Variants in SPIB observed in about 807,000 individuals in gnomAD.
SPIB encodes Spi-B transcription factor, also known as transcription factor Spi-B.
A neutral mutation model predicts 31.9 loss-of-function variants in SPIB; 7 were observed. The ratio of observed to expected loss-of-function variants is 0.22; its 90% confidence interval spans 0.12 to 0.41. The LOEUF (loss-of-function observed/expected upper bound fraction) is 0.41. Among genes scored for constraint, SPIB ranks in the 10% least tolerant of loss-of-function variants. The probability of loss-of-function intolerance (pLI) is 1.00; values close to 1 mark genes in which losing one functional copy is unlikely to be tolerated. For synonymous variants in SPIB, 176 were observed against 158.9 expected (o/e 1.11, Z -0.81); for missense variants, 327 against 360.2 (o/e 0.91, Z 0.75).
chr19:50,428,374 A>G lies in SPIB; in HGVS notation c.*38A>G, dbSNP rs1601271784. The G allele has an allele frequency of 6.7e-7, 1 of 1,500,578 alleles. No homozygotes were observed. Among genetic ancestry groups the G allele is most frequent in the Non-Finnish European group, 8.9e-7 (1 of 1,122,300 alleles). The allele number at this position is 1,500,578 out of a possible 1,614,324, so 93.0% of individuals were successfully genotyped here. On this transcript the variant is annotated 3_prime_UTR_variant, in exon 6 of 6. Coordinates refer to ENST00000595883, the MANE Select transcript of SPIB (RefSeq NM_003121.5). The surrounding 1 kb of genome is among the most constrained non-coding windows in gnomAD (Gnocchi z 6.5). ...CTCCCACCTGCGGAGCCGCTGGGGG[A>G]CCTCACGTCCCAGCCAGGATCCCCC...
At position 50,429,523 on chromosome 19, in the gene SPIB, T is replaced by C. The variant is rs1568653040; in HGVS notation, c.*1187T>C. The C allele has an allele frequency of 1.3e-5, 2 of 151,762 alleles. No homozygotes were observed. The highest frequency in any genetic ancestry group is 2.9e-5 in the Non-Finnish European group (2 of 68,072). 9.4% of individuals were successfully genotyped at this position (151,762 alleles called of 1,614,324 possible). ...TTCAAGACCAGCCTGGGCAACATAATGAGACCTCGTCTCTACAAAACATAA... is the reference window on the plus strand; with the variant it reads ...TTCAAGACCAGCCTGGGCAACATAACGAGACCTCGTCTCTACAAAACATAA... On this transcript the variant is annotated 3_prime_UTR_variant, in exon 6 of 6. Coordinates refer to ENST00000595883, the MANE Select transcript of SPIB (RefSeq NM_003121.5).
chr19:50,423,531 G>T (rs550102946), intron 4 of SPIB, 74 bp from the exon 5 acceptor site: 30 of 1,564,472 alleles, frequency 1.9e-5, no homozygotes, highest in African/African-American at 1.1e-4. Flanking sequence ...GAGGGCCACC[G>T]CCTTGGCCTG....
At chr19:50,419,260 A>G (rs1236646442) in intron 1 of SPIB, among the ~76,000 whole-genome samples, 1 of 151,318 alleles carries the variant, frequency 6.6e-6, no homozygotes, top group African/African-American at 2.4e-5. Flanking sequence ...CGTGGCTCTC[A>G]CTCTGTCCAT....
At chr19:50,420,111 G>T in intron 2 of SPIB, 138 bp downstream of exon 2, 1 of 681,024 alleles carries the variant, frequency 1.5e-6, no homozygotes. Flanking sequence ...GGTATCTCCT[G>T]CTACCCCGCA....
chr19:50,419,039 T>A lies in SPIB; in HGVS notation c.23+54T>A. On this transcript the variant is annotated intron_variant, in intron 1 of 5. Transcript: ENST00000595883. ...GGGGTCCCCACCTGCACTGCCCCTC[T>A]GTGGGGCCTCACCCATGGGCAGTGG... 4 of 1,540,810 alleles carry A rather than the reference T, an allele frequency of 2.6e-6. No individual in the cohort carries two copies. The East Asian group carries it at 9.8e-5, about 38-fold the overall frequency.
intron 2 of SPIB, among the ~76,000 whole-genome samples, chr19:50,420,403 TTTTTTGTTTG>T (rs2039479865): frequency 6.6e-6 from 1 of 152,056 alleles, no homozygotes; most frequent in African/African-American, 2.4e-5. Flanking sequence ...CAGCCATGTT[TTTTTTGTTTG>T]TTTTTGTTTG....
At position 50,423,669 on chromosome 19, in the gene SPIB, C is replaced by T. The variant is rs774916964; in HGVS notation, c.404C>T (p.Pro135Leu). 12 of 1,613,996 alleles carry T rather than the reference C, an allele frequency of 7.4e-6. No individual in the cohort carries two copies. The East Asian group carries it at 8.9e-5, about 12-fold the overall frequency. Residue 135 changes from proline to leucine, a missense_variant, in exon 5 of 6, where the codon CCG (proline) becomes CTG (leucine). Transcript: ENST00000595883. ...GTGCTATCAGAGGAGGAAGACTTAC[C>T]GTTGGACAGCCCTGCCCTGGAGGTC... The part of the protein sequence containing the change: ...SPVLSEEEDL[P>L]LDSPALEVSD...
Position 50,428,615 on chromosome 19 carries a change from A to G in SPIB, c.*279A>G, listed in dbSNP as rs1464610922. The G allele has an allele frequency of 1.2e-5, 5 of 400,264 alleles. No homozygotes were observed. The highest frequency in any genetic ancestry group is 2.1e-5 in the African/African-American group (1 of 48,414). 24.8% of individuals were successfully genotyped at this position (400,264 alleles called of 1,614,324 possible). A position where few individuals can be genotyped will look rare whatever the true frequency, so the allele number is the denominator to read the frequency against. ...GGTGACAGGACCTATGGACCACTAT[A>G]CTCGGGGAGGCAGGGTAGCAGTTCT... On this transcript the variant is annotated 3_prime_UTR_variant, in exon 6 of 6. Transcript: ENST00000595883. The surrounding 1 kb of genome is among the most constrained non-coding windows in gnomAD (Gnocchi z 6.5).
chr19:50,424,444 C>T (rs1186951747), intron 5 of SPIB, among the ~76,000 whole-genome samples: 4 of 151,786 alleles, frequency 2.6e-5, no homozygotes, highest in Non-Finnish European at 4.4e-5. Context: ...GTCAGGAGTT[C>T]GAGACCAGCC....
chr19:50,423,217 AAAAAAG>A, intron 4 of SPIB, 180 bp downstream of exon 4: 1 of 463,358 alleles, frequency 2.2e-6, no homozygotes. Context: ...AAAAAAAAAA[AAAAAAG>A]AAAAAGAAAA....
In SPIB at chr19:50,422,853, C is replaced by T. The variant is rs1473510357; in HGVS notation, c.155C>T (p.Pro52Leu). 1 of 1,598,826 alleles carries T rather than the reference C, an allele frequency of 6.3e-7. No homozygotes were observed. ...CTGTGGGACTGGACTGTGGCCCCAC[C>T]TGTCCCAGCCACCCCCTATGAAGCC... The part of the protein sequence containing the change: ...DSLWDWTVAP[P>L]VPATPYEAFD... The change falls in exon 4 of 6, where the codon CCT (proline) becomes CTT (leucine). Residue 52 changes from proline to leucine, a missense_variant. Physicochemically the swap from Pro to Leu is moderately conservative, Grantham distance 98. Around this residue, in one of 4 missense-constraint regions of SPIB, gnomAD observed 238 missense variants for 228.8 expected, o/e 1.04. Coordinates refer to ENST00000595883, the MANE Select transcript of SPIB (RefSeq NM_003121.5).
At chr19:50,423,834 C>A in intron 5 of SPIB, 79 bp downstream of exon 5, 1 of 1,493,026 alleles carries the variant, frequency 6.7e-7, no homozygotes, top group South Asian at 1.3e-5. Flanking sequence ...CTTCCTGGGC[C>A]TCTACATATA....
Position 50,419,952 on chromosome 19 carries a change from C to A in SPIB, c.30C>A (p.Asp10Glu), listed in dbSNP as rs778756578. Residue 10 changes from aspartate (D) to glutamate (E), a missense_variant, in exon 2 of 6, where the codon GAC (aspartate) becomes GAA (glutamate). Around this residue, in one of 4 missense-constraint regions of SPIB, gnomAD observed 238 missense variants for 228.8 expected, o/e 1.04. Transcript: ENST00000595883. ...TGTGTCTCTCCCCCTCCAGGCTCGA[C>A]GGGCCACACTTCAGCTGTCTGGTGA... MLALEAAQL[D>E]GPHFSCLYPD... 16 of 1,523,376 alleles carry A rather than the reference C, an allele frequency of 1.1e-5. No homozygotes were observed. The highest frequency in any genetic ancestry group is 1.7e-4 in the Middle Eastern group (1 of 5,836). 94.4% of individuals were successfully genotyped at this position (1,523,376 alleles called of 1,614,324 possible).
At chr19:50,423,984 G>A (rs1025256266) in intron 5 of SPIB, among the ~76,000 whole-genome samples, 11 of 152,148 alleles carry the variant, frequency 7.2e-5, no homozygotes, top group Admixed American at 6.5e-5. Context: ...TCCTGAGGTC[G>A]TTGGGGGGAC....
intron 5 of SPIB, among the ~76,000 whole-genome samples, chr19:50,426,995 T>C (rs2039573142): frequency 1.3e-5 from 2 of 151,492 alleles, no homozygotes; most frequent in South Asian, 4.2e-4. Context: ...CTAGGCATGA[T>C]GGTGCATACT....
In SPIB at chr19:50,427,867, C is replaced by A. The variant is rs12462780; in HGVS notation, c.491-171C>A. Among the ~76,000 whole-genome samples the A allele has an allele frequency of 4.4e-4, 62 of 141,458 alleles. No individual in the cohort carries two copies. The South Asian group carries it at 4.9e-3, about 11-fold the overall frequency. The allele number at this position is 141,458 out of a possible 152,430, so 92.8% of individuals were successfully genotyped here. On this transcript the variant is annotated intron_variant, in intron 5 of 5. Coordinates refer to ENST00000595883, the MANE Select transcript of SPIB (RefSeq NM_003121.5). The stretch of plus-strand genomic sequence containing the variant: ...GCAGGGGGAGTGGCTTGCCCCCCCC[C>A]CCCCCCGTGGTGAGGGGCGCAGAGC...
At position 50,430,952 on chromosome 19, in the gene SPIB, C is replaced by G. The variant is rs930593485; in HGVS notation, c.*2616C>G. 6.6e-5 allele frequency: 10 copies of G among 152,218 alleles called. No individual in the cohort carries two copies. Among genetic ancestry groups the G allele is most frequent in the South Asian group, 2.1e-4 (1 of 4,830 alleles). The allele number at this position is 152,218 out of a possible 1,614,324, so 9.4% of individuals were successfully genotyped here. On this transcript the variant is annotated 3_prime_UTR_variant, in exon 6 of 6. Coordinates refer to ENST00000595883, the MANE Select transcript of SPIB (RefSeq NM_003121.5). Reference sequence around the variant, plus strand: ...GGGGAGGGAGGAAGGGCAGGTAAAACGTCCTCCCCAGGGCCCCCTGCAACG... The same window carrying G: ...GGGGAGGGAGGAAGGGCAGGTAAAAGGTCCTCCCCAGGGCCCCCTGCAACG...
chr19:50,419,098 G>A (rs1008216763), intron 1 of SPIB, 113 bp downstream of exon 1: 67 of 1,295,346 alleles, frequency 5.2e-5, no homozygotes, highest in Non-Finnish European at 7.1e-5. Flanking sequence ...GGGTGGGAGT[G>A]GAGGGGAGGG....
chr19:50,428,380 C>T lies in SPIB; in HGVS notation c.*44C>T, dbSNP rs1180527145. ...CCTGCGGAGCCGCTGGGGGACCTCA[C>T]GTCCCAGCCAGGATCCCCCTGGAAG... On this transcript the variant is annotated 3_prime_UTR_variant, in exon 6 of 6. Transcript: ENST00000595883. This position sits in a 1 kb window ranked among gnomAD's most constrained non-coding sequence, Gnocchi z 6.5. 2.0e-6 allele frequency: 3 copies of T among 1,491,794 alleles called. No homozygotes were observed. The highest frequency in any genetic ancestry group is 2.5e-5 in the East Asian group (1 of 40,318). 92.4% of individuals were successfully genotyped at this position (1,491,794 alleles called of 1,614,324 possible).
Sources: allele counts gnomAD v4.1 joint callset (sites outside exome capture counted in the v4.1 genomes callset), GRCh38; gene constraint gnomAD v4.1.1; regional missense constraint gnomAD v4.1.1; non-coding constraint Gnocchi (gnomAD v3.1); transcripts MANE v1.5; gene names NCBI Gene and HGNC (gene_info 2026-07-23, HGNC 2026-07-21).